The following FBXO36 variants were observed in gnomAD, a reference collection of about 807,000 sequenced individuals.
FBXO36 encodes F-box protein 36, also known as F-box only protein 36.
FBXO36 carries 18 observed loss-of-function variants against 17.0 expected under a neutral mutation model. The observed-to-expected ratio is 1.06, with a 90% CI of 0.73 to 1.57. The LOEUF is 1.57. FBXO36 is among the 40% of genes most tolerant of loss of function. The pLI, the probability that FBXO36 is intolerant of heterozygous loss-of-function variation, is 0.00. For missense variants in FBXO36, 229 were observed against 221.9 expected (o/e 1.03, Z -0.20); for synonymous variants, 83 against 85.3 (o/e 0.97, Z 0.15).
At chr2:230,006,141 T>G (rs2077386241) in intron 3 of FBXO36, among the ~76,000 whole-genome samples, 1 of 149,792 alleles carries the variant, frequency 6.7e-6, no homozygotes, top group Admixed American at 6.7e-5. Context: ...ACTCTTGCTC[T>G]GTTGCCTAGG....
intron 1 of FBXO36, among the ~76,000 whole-genome samples, chr2:229,952,569 G>A (rs976904459): frequency 6.6e-6 from 1 of 152,140 alleles, no homozygotes; most frequent in Non-Finnish European, 1.5e-5. Context: ...CCTCCGCCCC[G>A]ACCTTTCTCA....
intron 1 of FBXO36, among the ~76,000 whole-genome samples, chr2:229,934,375 T>TG (rs1486118708): frequency 3.3e-5 from 5 of 152,106 alleles, no homozygotes; most frequent in African/African-American, 4.8e-5. Flanking sequence ...CACTCCAGCC[T>TG]GGGCGACAGA....
chr2:229,937,396 G>A (rs2076969764), intron 1 of FBXO36, among the ~76,000 whole-genome samples: 1 of 152,146 alleles, frequency 6.6e-6, no homozygotes, highest in Admixed American at 6.5e-5. Context: ...TCGGGAGGCT[G>A]AGGCAGGAGA....
At chr2:229,954,542 CTTTTT>C (rs1176794800) in intron 1 of FBXO36, among the ~76,000 whole-genome samples, 4 of 78,776 alleles carry the variant, frequency 5.1e-5, no homozygotes, top group African/African-American at 1.8e-4. Flanking sequence ...TGCACCCGGC[CTTTTT>C]TTTTTTTTTT....
At chr2:229,922,965 G>A (rs1431442100) in intron 1 of FBXO36, among the ~76,000 whole-genome samples, 1 of 152,234 alleles carries the variant, frequency 6.6e-6, no homozygotes, top group Non-Finnish European at 1.5e-5. Context: ...AGGAGGGAAA[G>A]AACGACTCAG....
At chr2:230,010,115 G>A (rs2106220814) in intron 3 of FBXO36, among the ~76,000 whole-genome samples, 1 of 152,108 alleles carries the variant, frequency 6.6e-6, no homozygotes, top group South Asian at 2.1e-4. Flanking sequence ...TACAAAATTA[G>A]CTCAGTGTGG....
intron 2 of FBXO36, among the ~76,000 whole-genome samples, chr2:229,983,353 C>G (rs1262595153): frequency 6.6e-6 from 1 of 150,384 alleles, no homozygotes; most frequent in African/African-American, 2.4e-5. Flanking sequence ...CCAGCCTGGG[C>G]AACAAGAGCA....
chr2:230,011,598 CTTTTTTT>C lies in FBXO36; in HGVS notation c.*725_*731del, dbSNP rs5839351. 6 of 123,442 alleles carry C rather than the reference CTTTTTTT, an allele frequency of 4.9e-5. No individual in the cohort carries two copies. The highest frequency in any genetic ancestry group is 2.8e-4 in the Admixed American group (3 of 10,812). 7.6% of individuals were successfully genotyped at this position (123,442 alleles called of 1,614,324 possible). On this transcript the variant is annotated 3_prime_UTR_variant, in exon 4 of 4. Transcript: ENST00000283946. Reference sequence around the variant, plus strand: ...AACCTATAAACATTTCTTTTCTTTTCTTTTTTTTTTTTTTTTTGTATTTTCTTTTTAG... The same window carrying C: ...AACCTATAAACATTTCTTTTCTTTTCTTTTTTTTTTGTATTTTCTTTTTAG...
intron 1 of FBXO36, among the ~76,000 whole-genome samples, chr2:229,959,714 T>C (rs2106180971): frequency 6.6e-6 from 1 of 151,884 alleles, no homozygotes; most frequent in Admixed American, 6.6e-5. Flanking sequence ...AGCGTGGTGG[T>C]GGGCGCCTGT....
At chr2:229,939,844 G>A (rs1306112984) in intron 1 of FBXO36, among the ~76,000 whole-genome samples, 2 of 152,178 alleles carry the variant, frequency 1.3e-5, no homozygotes, top group African/African-American at 4.8e-5. Flanking sequence ...CACTTTGAGA[G>A]GCCAGGGTGG....
intron 1 of FBXO36, among the ~76,000 whole-genome samples, chr2:229,958,252 A>G (rs1250574593): frequency 4.1e-5 from 5 of 120,602 alleles, no homozygotes; most frequent in African/African-American, 6.3e-5. Flanking sequence ...GAGAGCTCTG[A>G]CTTTCTTTTT....
At chr2:229,996,129 A>AG (rs1170936903) in intron 2 of FBXO36, among the ~76,000 whole-genome samples, 1 of 151,860 alleles carries the variant, frequency 6.6e-6, no homozygotes, top group Non-Finnish European at 1.5e-5. Context: ...ATTTAAAAAA[A>AG]TAGCCAGGCA....
chr2:229,974,675 T>G (rs1211321034), intron 1 of FBXO36, among the ~76,000 whole-genome samples: 1 of 152,098 alleles, frequency 6.6e-6, no homozygotes, highest in Non-Finnish European at 1.5e-5. Context: ...CAACCAAGGA[T>G]TTTGTTGCTT....
chr2:229,973,447 G>A (rs1247574534), intron 1 of FBXO36: 1 of 152,220 alleles, frequency 6.6e-6, no homozygotes, highest in South Asian at 2.1e-4. Context: ...TTTTAGGGCA[G>A]GTGCGGTGGC....
chr2:229,954,234 A>ATTTTGTTTTTTTTTTTTT, intron 1 of FBXO36, among the ~76,000 whole-genome samples: 1 of 71,378 alleles, frequency 1.4e-5, no homozygotes, highest in Non-Finnish European at 2.6e-5. Context: ...AACCCTTTGG[A>ATTTTGTTTTTTTTTTTTT]TTTTTTTTTT....
intron 1 of FBXO36, among the ~76,000 whole-genome samples, chr2:229,974,346 G>A (rs2077196656): frequency 6.6e-6 from 1 of 152,162 alleles, no homozygotes; most frequent in African/African-American, 2.4e-5. Flanking sequence ...AAATACCTCG[G>A]AAGGGCCAGT....
chr2:229,931,374 G>C (rs1242430015), intron 1 of FBXO36, among the ~76,000 whole-genome samples: 1 of 152,028 alleles, frequency 6.6e-6, no homozygotes, highest in East Asian at 1.9e-4. Context: ...TAATTATATG[G>C]GGCAGTAGAG....
At chr2:229,929,310 T>C (rs929236389) in intron 1 of FBXO36, among the ~76,000 whole-genome samples, 1 of 150,730 alleles carries the variant, frequency 6.6e-6, no homozygotes, top group African/African-American at 2.4e-5. Context: ...ACACCTGTAA[T>C]CCCAGAACTT....
At chr2:229,933,965 CG>C (rs2076951677) in intron 1 of FBXO36, among the ~76,000 whole-genome samples, 1 of 151,512 alleles carries the variant, frequency 6.6e-6, no homozygotes, top group South Asian at 2.1e-4. Flanking sequence ...GGATTACAGG[CG>C]TGAGTCACCG....
Sources: gnomAD v4.1 joint callset for allele counts (sites outside exome capture counted in the v4.1 genomes callset) on GRCh38, gnomAD v4.1.1 for gene constraint, MANE v1.5 for transcripts, NCBI Gene and HGNC (gene_info 2026-07-23, HGNC 2026-07-21) for gene names.